TAFA2: variants seen among roughly 807,000 people sequenced by gnomAD.
TAFA2 encodes TAFA chemokine like family member 2.
In TAFA2, 7 loss-of-function variants were observed where a neutral mutation model predicts 18.8. The ratio of observed to expected loss-of-function variants is 0.37; its 90% CI spans 0.21 to 0.70. The LOEUF is 0.70. Among genes scored for constraint, TAFA2 ranks in the 30% least tolerant of loss-of-function variants. The pLI is 0.53. For synonymous variants in TAFA2, 60 were observed against 54.2 expected, an observed-to-expected ratio of 1.11 and a Z score of -0.47; for missense variants, 122 against 158.1, an observed-to-expected ratio of 0.77 and a Z score of 1.23.
intron 2 of TAFA2, among the ~76,000 whole-genome samples, chr12:61,829,859 C>T (rs1872652921): frequency 6.6e-6 from 1 of 151,546 alleles, no homozygotes; most frequent in Non-Finnish European, 1.5e-5. Flanking sequence ...CAAAAAGAAG[C>T]CTTAAGAGAA....
At chr12:62,249,511 A>G (rs561141343) in intron 1 of TAFA2, among the ~76,000 whole-genome samples, 2 of 152,140 alleles carry the variant, frequency 1.3e-5, no homozygotes, top group African/African-American at 2.4e-5. Flanking sequence ...ACCTCTCCCC[A>G]CGCTCTCCCA....
At chr12:62,151,825 A>G (rs1403290592) in intron 1 of TAFA2, among the ~76,000 whole-genome samples, 1 of 152,222 alleles carries the variant, frequency 6.6e-6, no homozygotes, top group Non-Finnish European at 1.5e-5. Flanking sequence ...AAGTATATTT[A>G]CGGGGTTAAG....
intron 1 of TAFA2, among the ~76,000 whole-genome samples, chr12:62,065,701 C>CTGTGTG (rs140275505): frequency 6.7e-6 from 1 of 150,266 alleles, no homozygotes; most frequent in African/African-American, 2.4e-5. Context: ...GATAAAAATT[C>CTGTGTG]TGTGTGTGTG....
chr12:61,845,249 TA>T (rs1341967146), intron 2 of TAFA2, among the ~76,000 whole-genome samples: 11 of 152,196 alleles, frequency 7.2e-5, no homozygotes, highest in Non-Finnish European at 1.3e-4. Flanking sequence ...TTTTCTTTAT[TA>T]TGACACAGGC....
intron 2 of TAFA2, among the ~76,000 whole-genome samples, chr12:61,836,960 A>G (rs1333824541): frequency 6.6e-6 from 1 of 151,328 alleles, no homozygotes; most frequent in East Asian, 1.9e-4. Context: ...AATACTTTTG[A>G]AGCCTATTTC....
intron 2 of TAFA2, among the ~76,000 whole-genome samples, chr12:61,857,414 T>C (rs1307966251): frequency 6.6e-6 from 1 of 152,140 alleles, no homozygotes; most frequent in Non-Finnish European, 1.5e-5. Context: ...ATTTTCAGAG[T>C]GGTGAGAGGG....
At chr12:61,972,177 A>G (rs1450298927) in intron 1 of TAFA2, among the ~76,000 whole-genome samples, 2 of 151,582 alleles carry the variant, frequency 1.3e-5, no homozygotes, top group African/African-American at 4.8e-5. Context: ...GTTGTACTGA[A>G]TATACACATG....
intron 1 of TAFA2, among the ~76,000 whole-genome samples, chr12:61,983,271 A>G (rs1879700837): frequency 6.6e-6 from 1 of 152,218 alleles, no homozygotes; most frequent in Non-Finnish European, 1.5e-5. Flanking sequence ...CAAAAACAGC[A>G]GTACCATTTA....
intron 2 of TAFA2, among the ~76,000 whole-genome samples, chr12:61,826,954 G>A (rs1279233630): frequency 6.6e-6 from 1 of 151,958 alleles, no homozygotes; most frequent in Non-Finnish European, 1.5e-5. Context: ...TATACAGCAA[G>A]GACTGCAGGT....
At chr12:62,201,362 T>C (rs901658334) in intron 1 of TAFA2, among the ~76,000 whole-genome samples, 6 of 152,226 alleles carry the variant, frequency 3.9e-5, no homozygotes, top group African/African-American at 9.6e-5. Flanking sequence ...AGTATGACAT[T>C]GGCTGTCAGT....
chr12:62,250,627 AT>A (rs1332849831), intron 1 of TAFA2, among the ~76,000 whole-genome samples: 1 of 151,602 alleles, frequency 6.6e-6, no homozygotes, highest in Non-Finnish European at 1.5e-5. Flanking sequence ...TTGCCTGTTT[AT>A]TTTTTATTCT....
chr12:62,078,189 C>T (rs373135048), intron 1 of TAFA2, among the ~76,000 whole-genome samples: 5 of 152,114 alleles, frequency 3.3e-5, no homozygotes, highest in African/African-American at 1.2e-4. Context: ...ACCCAAGTCA[C>T]GTAGCAGAAA....
At chr12:62,216,588 T>C (rs2062736902) in intron 1 of TAFA2, among the ~76,000 whole-genome samples, 1 of 152,364 alleles carries the variant, frequency 6.6e-6, no homozygotes, top group African/African-American at 2.4e-5. Context: ...CTATAGATGT[T>C]GTCCCAGATG....
chr12:61,839,687 A>C (rs917893641), intron 2 of TAFA2, among the ~76,000 whole-genome samples: 1 of 152,104 alleles, frequency 6.6e-6, no homozygotes, highest in African/African-American at 2.4e-5. Context: ...TACAAATGGG[A>C]GCTAAACATT....
intron 1 of TAFA2, among the ~76,000 whole-genome samples, chr12:62,087,689 A>C (rs1312993460): frequency 3.4e-5 from 5 of 148,112 alleles, no homozygotes; most frequent in African/African-American, 9.9e-5. Flanking sequence ...TCTAAGGACA[A>C]TGTAAAACTT....
chr12:61,985,923 G>A (rs375587002), intron 1 of TAFA2, among the ~76,000 whole-genome samples: 2 of 152,080 alleles, frequency 1.3e-5, no homozygotes, highest in Non-Finnish European at 2.9e-5. Context: ...GGCAGGCATT[G>A]GTAATCATAG....
chr12:62,122,183 C>T (rs148808683), intron 1 of TAFA2, among the ~76,000 whole-genome samples: 1,901 of 152,192 alleles, frequency 0.012, 38 homozygotes, highest in African/African-American at 0.044. Flanking sequence ...ACAAGTTTAC[C>T]TATGTAAAAA....
intron 1 of TAFA2, among the ~76,000 whole-genome samples, chr12:62,018,109 C>CA (rs1277441119): frequency 6.6e-6 from 1 of 152,098 alleles, no homozygotes; most frequent in Non-Finnish European, 1.5e-5. Flanking sequence ...AGGTACTGGG[C>CA]ATTCCTGCAG....
chr12:61,923,662 A>C (rs1158295451), intron 1 of TAFA2, among the ~76,000 whole-genome samples: 16 of 152,148 alleles, frequency 1.1e-4, no homozygotes, highest in Non-Finnish European at 4.4e-5. Flanking sequence ...AGAATTCCAA[A>C]ACCCAGAATG....
Sources: allele counts gnomAD v4.1 joint callset (sites outside exome capture counted in the v4.1 genomes callset), GRCh38; gene constraint gnomAD v4.1.1; transcripts MANE v1.5; gene names NCBI Gene and HGNC (gene_info 2026-07-23, HGNC 2026-07-21).